The following MTUS2 variants were observed in gnomAD, a reference collection of about 807,000 sequenced individuals.
The protein encoded by MTUS2 is microtubule-associated tumor suppressor candidate 2.
Under a neutral mutation model 114.1 loss-of-function variants are expected in MTUS2, and 40 were observed. That is an observed-to-expected ratio of 0.35 (90% CI 0.27 to 0.46). The LOEUF is 0.46. Ranked by LOEUF, MTUS2 falls within the 20% of genes least tolerant of loss-of-function variation. The probability of loss-of-function intolerance (pLI) is 1.00; values close to 1 mark genes in which losing one functional copy is unlikely to be tolerated. For synonymous variants in MTUS2, 688 were observed against 672.0 expected (o/e 1.02, Z -0.37); for missense variants, 1,679 against 1,705.4 (o/e 0.98, Z 0.27).
At chr13:29,200,740 G>A (rs935873529) in intron 5 of MTUS2, among the ~76,000 whole-genome samples, 1 of 151,840 alleles carries the variant, frequency 6.6e-6, no homozygotes. Flanking sequence ...GGCTGGTCTC[G>A]AATACCCAAC....
chr13:29,421,259 C>T (rs1593425280), intron 8 of MTUS2, among the ~76,000 whole-genome samples: 1 of 152,234 alleles, frequency 6.6e-6, no homozygotes, highest in East Asian at 1.9e-4. Flanking sequence ...ATTTTCCTGG[C>T]CCTGGCAGTC....
chr13:29,041,218 TTA>T (rs1158700718), intron 4 of MTUS2, among the ~76,000 whole-genome samples: 2 of 152,136 alleles, frequency 1.3e-5, no homozygotes, highest in African/African-American at 4.8e-5. Flanking sequence ...TTTCTCCAGT[TTA>T]TGTTTTTGTT....
At chr13:29,498,352 A>T in intron 13 of MTUS2, 66 bp from the exon 14 acceptor site, 1 of 1,597,136 alleles carries the variant, frequency 6.3e-7, no homozygotes, top group Non-Finnish European at 8.5e-7. Context: ...TGGATTCGTG[A>T]CATTGGTTAA....
At chr13:28,920,780 G>A (rs1489174719) in intron 2 of MTUS2, among the ~76,000 whole-genome samples, 4 of 152,186 alleles carry the variant, frequency 2.6e-5, no homozygotes, top group Non-Finnish European at 5.9e-5. Context: ...AGTCCTTCCT[G>A]CTCTTCCCTT....
chr13:29,336,757 C>G (rs1435130858), intron 7 of MTUS2, among the ~76,000 whole-genome samples: 1 of 152,220 alleles, frequency 6.6e-6, no homozygotes, highest in African/African-American at 2.4e-5. Flanking sequence ...GCCCCTTTCC[C>G]CAGATGCTCT....
At chr13:29,023,788 G>A (rs1593391902) in intron 2 of MTUS2, among the ~76,000 whole-genome samples, 1 of 151,842 alleles carries the variant, frequency 6.6e-6, no homozygotes, top group South Asian at 2.1e-4. Flanking sequence ...CCAGATTATT[G>A]TCTCATGGTT....
At chr13:29,416,295 C>G (rs1037795552) in intron 8 of MTUS2, among the ~76,000 whole-genome samples, 1 of 151,898 alleles carries the variant, frequency 6.6e-6, no homozygotes, top group Non-Finnish European at 1.5e-5. Flanking sequence ...ACTTATTTTA[C>G]TCTCTTTATT....
intron 2 of MTUS2, among the ~76,000 whole-genome samples, chr13:28,908,539 C>A (rs1272206818): frequency 1.3e-5 from 2 of 151,422 alleles, no homozygotes; most frequent in Non-Finnish European, 2.9e-5. Context: ...TCCAGTCTAT[C>A]ATTGTTGGAC....
intron 2 of MTUS2, among the ~76,000 whole-genome samples, chr13:29,001,352 G>T (rs979602868): frequency 1.3e-5 from 2 of 152,124 alleles, no homozygotes; most frequent in Non-Finnish European, 2.9e-5. Flanking sequence ...GATGGTGGTG[G>T]CTATGGAGGT....
chr13:29,031,128 A>G (rs1886794029), intron 3 of MTUS2, among the ~76,000 whole-genome samples: 2 of 151,994 alleles, frequency 1.3e-5, no homozygotes, highest in Non-Finnish European at 2.9e-5. Flanking sequence ...ATGTGCGTGC[A>G]GTGTACAGAG....
intron 5 of MTUS2, among the ~76,000 whole-genome samples, chr13:29,172,332 C>T (rs936806834): frequency 1.3e-5 from 2 of 152,198 alleles, no homozygotes; most frequent in African/African-American, 4.8e-5. Context: ...GTTGTCAAAA[C>T]AAGACTAAAG....
Position 29,359,650 on chromosome 13 carries a change from C to T in MTUS2, c.3117+177C>T, listed in dbSNP as rs141192563. On this transcript the variant is annotated intron_variant, in intron 8 of 15. Transcript: ENST00000612955. Reference sequence around the variant, plus strand: ...GCATCCCATCATCTTTGGGGAGCCACGTTTATCCTTAGGTGTGAAAGAAAT... The same window carrying T: ...GCATCCCATCATCTTTGGGGAGCCATGTTTATCCTTAGGTGTGAAAGAAAT... 2.7e-3 allele frequency among the ~76,000 whole-genome samples: 417 copies of T among 152,100 alleles called. 2 individuals are homozygous for T. Among genetic ancestry groups the T allele is most frequent in the African/African-American group, 9.2e-3 (382 of 41,476 alleles).
intron 5 of MTUS2, among the ~76,000 whole-genome samples, chr13:29,233,600 G>A (rs990635342): frequency 2.6e-5 from 4 of 152,186 alleles, no homozygotes; most frequent in African/African-American, 9.7e-5. Context: ...ACCTCGTGCT[G>A]GGAGAAATGT....
rs1897623892 is a variant in MTUS2, at chr13:29,265,207, A to G, written c.2645-16497A>G. Among the ~76,000 whole-genome samples the G allele has an allele frequency of 2.0e-5, 3 of 152,236 alleles. No individual in the cohort carries two copies. In the South Asian group the frequency reaches 6.2e-4, roughly 32 times the overall value. On this transcript the variant is annotated intron_variant, in intron 5 of 15. Coordinates refer to ENST00000612955, the MANE Select transcript of MTUS2 (RefSeq NM_001033602.4). Reference sequence around the variant, plus strand: ...CCAAACTTCCACACATCCCTAGGGCATGAACAGAATGCAGCCAAGCTCTTT... The same window carrying G: ...CCAAACTTCCACACATCCCTAGGGCGTGAACAGAATGCAGCCAAGCTCTTT...
Position 28,957,687 on chromosome 13 carries a change from G to C in MTUS2, c.-242-66770G>C, listed in dbSNP as rs188265957. 5.3e-4 allele frequency among the ~76,000 whole-genome samples: 49 copies of C among 93,272 alleles called. No homozygotes were observed. In the East Asian group the frequency reaches 8.8e-3, roughly 17 times the overall value. The allele number at this position is 93,272 out of a possible 152,430, so 61.2% of individuals were successfully genotyped here. A position where few individuals can be genotyped will look rare whatever the true frequency, so the allele number is the denominator to read the frequency against. On this transcript the variant is annotated intron_variant, in intron 2 of 15. Transcript: ENST00000612955. ...CACCCACAGATTTTTGTATCTGGAG[G>C]GGGGGGTCCTGGGACCAATGCCCTG...
chr13:28,924,014 G>A (rs1324196536), intron 2 of MTUS2, among the ~76,000 whole-genome samples: 1 of 152,036 alleles, frequency 6.6e-6, no homozygotes, highest in East Asian at 1.9e-4. Flanking sequence ...GTCACTTATT[G>A]TCTGCAGGAA....
Position 29,002,646 on chromosome 13 carries a change from A to G in MTUS2, c.-242-21811A>G, listed in dbSNP as rs552024740. Among the ~76,000 whole-genome samples the G allele has an allele frequency of 5.3e-5, 8 of 152,330 alleles. No homozygotes were observed. The East Asian group carries it at 9.6e-4, about 18-fold the overall frequency. On this transcript the variant is annotated intron_variant, in intron 2 of 15. Transcript: ENST00000612955. ...GAGCAAATAGTTTAGGAGCAAACAG[A>G]TCTTTAAATCTAGCAGTTAATCCCT...
At chr13:28,953,165 T>C (rs1882891485) in intron 2 of MTUS2, among the ~76,000 whole-genome samples, 1 of 150,870 alleles carries the variant, frequency 6.6e-6, no homozygotes, top group South Asian at 2.1e-4. Flanking sequence ...AATTTCCTAT[T>C]CATTTTTTTT....
chr13:29,421,551 A>AG (rs746678178), intron 8 of MTUS2, among the ~76,000 whole-genome samples: 5 of 152,232 alleles, frequency 3.3e-5, no homozygotes, highest in African/African-American at 4.8e-5. Context: ...GACTCCTTCA[A>AG]GGTCCCATCC....
Sources: allele counts gnomAD v4.1 joint callset (sites outside exome capture counted in the v4.1 genomes callset), GRCh38; gene constraint gnomAD v4.1.1; transcripts MANE v1.5; gene names NCBI Gene and HGNC (gene_info 2026-07-23, HGNC 2026-07-21).